DGKB: variants seen among roughly 807,000 people sequenced by gnomAD.
DGKB encodes the protein diacylglycerol kinase beta.
DGKB carries 67 observed loss-of-function variants against 114.3 expected under a neutral mutation model. That is an observed-to-expected ratio of 0.59 (90% CI 0.48 to 0.72). DGKB has a LOEUF of 0.72. Among genes scored for constraint, DGKB ranks in the 30% least tolerant of loss-of-function variants. DGKB has a pLI of 0.00. For missense variants in DGKB, 907 were observed against 975.2 expected (o/e 0.93, Z 0.93); for synonymous variants, 398 against 323.1 (o/e 1.23, Z -2.49).
intron 1 of DGKB, among the ~76,000 whole-genome samples, chr7:14,935,793 A>G (rs1395836870): frequency 1.3e-5 from 2 of 151,910 alleles, no homozygotes; most frequent in Admixed American, 1.3e-4. Context: ...TTTCCTCCCA[A>G]AAACCTCATG....
intron 18 of DGKB, 21 bp from the exon 19 acceptor site, chr7:14,580,972 C>A: frequency 3.9e-6 from 6 of 1,531,300 alleles, no homozygotes; most frequent in Admixed American, 1.9e-5. Flanking sequence ...AAAAAAAATA[C>A]AAATAAAGAA....
intron 21 of DGKB, among the ~76,000 whole-genome samples, chr7:14,377,693 C>T (rs1490954137): frequency 6.6e-6 from 1 of 152,148 alleles, no homozygotes; most frequent in African/African-American, 2.4e-5. Context: ...CCCAAGATGC[C>T]TGTGGGAACA....
intron 25 of DGKB, among the ~76,000 whole-genome samples, chr7:14,167,612 C>G (rs1023457727): frequency 4.4e-4 from 67 of 152,348 alleles, no homozygotes; most frequent in African/African-American, 1.4e-3. Context: ...TTGACCTTAA[C>G]AAACATACTG....
intron 1 of DGKB, among the ~76,000 whole-genome samples, chr7:14,849,987 C>T (rs1376153967): frequency 1.3e-5 from 2 of 152,134 alleles, no homozygotes; most frequent in African/African-American, 2.4e-5. Context: ...TGGAAAAAGC[C>T]TCCCCCACTT....
rs190698561 is a variant in DGKB at position 14,718,713 on chromosome 7, G to A, written c.323-28C>T. On this transcript the variant is annotated intron_variant, in intron 5 of 25. Transcript: ENST00000402815. ...GGAAAAAAAATTGTCTTTATATTTT[G>A]TTAATTATTTACAGTGATCTCAAAC... 9.3e-3 allele frequency: 14,424 copies of A among 1,553,672 alleles called. 92 individuals are homozygous for A. The highest frequency in any genetic ancestry group is 0.011 in the Non-Finnish European group (12,865 of 1,137,340).
intron 1 of DGKB, among the ~76,000 whole-genome samples, chr7:14,940,442 G>T (rs73058972): frequency 0.03 from 4,624 of 151,636 alleles, 98 homozygotes; most frequent in Non-Finnish European, 0.042. Flanking sequence ...GAGAAGAACA[G>T]AATTCTTTTT....
At chr7:14,925,587 A>C (rs899483195) in intron 1 of DGKB, among the ~76,000 whole-genome samples, 1 of 152,136 alleles carries the variant, frequency 6.6e-6, no homozygotes, top group African/African-American at 2.4e-5. Context: ...AAAATTTTTA[A>C]GTTTCAGCAT....
At chr7:14,352,110 T>A (rs1813555737) in intron 21 of DGKB, among the ~76,000 whole-genome samples, 1 of 152,106 alleles carries the variant, frequency 6.6e-6, no homozygotes, top group African/African-American at 2.4e-5. Flanking sequence ...GCTTGTTAAG[T>A]CCCAGGGAGA....
At chr7:14,268,973 G>A (rs1297506763) in intron 23 of DGKB, 1 of 152,154 alleles carries the variant, frequency 6.6e-6, no homozygotes, top group African/African-American at 2.4e-5. Context: ...TCAGGGCCAG[G>A]TGACTCTGAC....
intron 2 of DGKB, among the ~76,000 whole-genome samples, chr7:14,837,873 G>T (rs1356725789): frequency 6.6e-6 from 1 of 152,150 alleles, no homozygotes; most frequent in Admixed American, 6.5e-5. Context: ...ATTCAGGAAA[G>T]TCCTTGGAGC....
At chr7:14,498,122 T>C (rs1307019702) in intron 20 of DGKB, among the ~76,000 whole-genome samples, 1 of 151,910 alleles carries the variant, frequency 6.6e-6, no homozygotes, top group Non-Finnish European at 1.5e-5. Flanking sequence ...TAAAAAGGTA[T>C]GTAATTTATA....
intron 2 of DGKB, among the ~76,000 whole-genome samples, chr7:14,786,692 G>A (rs1020412658): frequency 1.3e-5 from 2 of 152,234 alleles, no homozygotes; most frequent in Non-Finnish European, 2.9e-5. Context: ...GGCTGAGCCT[G>A]TGTCACAACC....
chr7:14,919,095 A>ACAAACACACACACACAC (rs1554345122), intron 1 of DGKB, among the ~76,000 whole-genome samples: 6 of 114,970 alleles, frequency 5.2e-5, no homozygotes, highest in South Asian at 3.3e-4. Flanking sequence ...CACACACACA[A>ACAAACACACACACACAC]ACACACACAC....
chr7:14,440,049 G>A (rs1829862276), intron 21 of DGKB, among the ~76,000 whole-genome samples: 2 of 152,006 alleles, frequency 1.3e-5, no homozygotes, highest in Non-Finnish European at 2.9e-5. Flanking sequence ...AAAGGGTCCA[G>A]GGAAGAAGAA....
chr7:14,549,201 A>T (rs1400829344), intron 20 of DGKB, among the ~76,000 whole-genome samples: 1 of 152,176 alleles, frequency 6.6e-6, no homozygotes, highest in Non-Finnish European at 1.5e-5. Context: ...ACAGAAAGTG[A>T]GTCAAGTGCT....
At chr7:14,672,859 T>G (rs1421236795) in intron 13 of DGKB, 70 bp downstream of exon 13, 1 of 869,730 alleles carries the variant, frequency 1.1e-6, no homozygotes, top group Non-Finnish European at 1.8e-6. Flanking sequence ...TCTAGAAGCT[T>G]TTAATGGTAT....
intron 23 of DGKB, among the ~76,000 whole-genome samples, chr7:14,256,199 C>G (rs992561816): frequency 6.6e-6 from 1 of 152,040 alleles, no homozygotes; most frequent in Non-Finnish European, 1.5e-5. Flanking sequence ...CTTCCTCTTC[C>G]ACATACTCTG....
At chr7:14,954,665 C>A (rs1180887292) in intron 1 of DGKB, among the ~76,000 whole-genome samples, 1 of 151,870 alleles carries the variant, frequency 6.6e-6, no homozygotes. Flanking sequence ...ATTTAAGATG[C>A]ATTCTGCAGG....
At chr7:14,455,720 C>G (rs1237642237) in intron 21 of DGKB, among the ~76,000 whole-genome samples, 1 of 151,962 alleles carries the variant, frequency 6.6e-6, no homozygotes, top group East Asian at 1.9e-4. Flanking sequence ...TGAATGTGCA[C>G]TGAACATTCT....
Sources: allele counts gnomAD v4.1 joint callset (sites outside exome capture counted in the v4.1 genomes callset), GRCh38; gene constraint gnomAD v4.1.1; transcripts MANE v1.5; gene names NCBI Gene and HGNC (gene_info 2026-07-23, HGNC 2026-07-21).